HPSE2: variants seen among roughly 807,000 people sequenced by gnomAD.
HPSE2 encodes the protein heparanase 2 (inactive).
In HPSE2, 38 loss-of-function variants were observed where a neutral mutation model predicts 60.5. That is an observed-to-expected ratio of 0.63 (90% CI 0.48 to 0.82). The LOEUF (loss-of-function observed/expected upper bound fraction) is 0.82. HPSE2 is among the 40% of genes least tolerant of loss of function. HPSE2 has a pLI of 0.00. For synonymous variants in HPSE2, 295 were observed against 293.2 expected, an observed-to-expected ratio of 1.01 and a Z score of -0.06; for missense variants, 713 against 740.4, an observed-to-expected ratio of 0.96 and a Z score of 0.43.
At chr10:98,520,865 A>G (rs193239729) in intron 9 of HPSE2, among the ~76,000 whole-genome samples, 16 of 152,318 alleles carry the variant, frequency 1.1e-4, no homozygotes, top group African/African-American at 3.6e-4. Flanking sequence ...TCTTTGACAA[A>G]CCTGACAAAA....
rs868407526 is a variant in HPSE2 at position 98,466,623 on chromosome 10, A to G, written c.1614-6884T>C. 5.7e-4 allele frequency among the ~76,000 whole-genome samples: 87 copies of G among 151,946 alleles called. 1 individual carries two copies. Among genetic ancestry groups the G allele is most frequent in the African/African-American group, 2.9e-4 (12 of 41,466 alleles). ...GAGACTCCGTCTCAAAAAAAAAAAA[A>G]AAAAGAAAAGAAAATCAGTTCTGCC... On this transcript the variant is annotated intron_variant, in intron 11 of 11. Transcript: ENST00000370552.
intron 2 of HPSE2, among the ~76,000 whole-genome samples, chr10:99,216,437 C>T (rs1015591669): frequency 5.9e-5 from 9 of 151,834 alleles, no homozygotes; most frequent in Non-Finnish European, 1.0e-4. Flanking sequence ...TCAGGTGATC[C>T]GCCCGCCTCG....
At chr10:98,572,087 C>T (rs985687081) in intron 9 of HPSE2, among the ~76,000 whole-genome samples, 5 of 151,824 alleles carry the variant, frequency 3.3e-5, no homozygotes, top group African/African-American at 9.7e-5. Context: ...ATTACAGGTG[C>T]CCACCACCAC....
At chr10:98,990,294 A>C (rs1383743621) in intron 3 of HPSE2, among the ~76,000 whole-genome samples, 1 of 152,238 alleles carries the variant, frequency 6.6e-6, no homozygotes, top group Non-Finnish European at 1.5e-5. Context: ...CAGCACTAGC[A>C]CCACTGCCTC....
the HPSE2 span, among the ~76,000 whole-genome samples, chr10:99,279,703 C>T: frequency 6.6e-6 from 1 of 152,182 alleles, no homozygotes; most frequent in South Asian, 2.1e-4. Flanking sequence ...CTACCCAGGG[C>T]TCTTTTTACT....
At chr10:98,914,424 A>C (rs1954062780) in intron 3 of HPSE2, among the ~76,000 whole-genome samples, 1 of 151,902 alleles carries the variant, frequency 6.6e-6, no homozygotes, top group African/African-American at 2.4e-5. Context: ...GTAAAATAAA[A>C]AACACTATGA....
Position 98,542,530 on chromosome 10 carries a change from G to A in HPSE2, c.1321-52334C>T, listed in dbSNP as rs1350173446. Among the ~76,000 whole-genome samples the A allele has an allele frequency of 2.6e-5, 4 of 151,986 alleles. No homozygotes were observed. The East Asian group carries it at 5.8e-4, about 22-fold the overall frequency. On this transcript the variant is annotated intron_variant, in intron 9 of 11. Transcript: ENST00000370552. ...AGGCTTCAGACAATCAAATTACTCC[G>A]AGCTATGGGAGGACATTCAAACCAA...
chr10:99,269,368 T>A, the HPSE2 span, among the ~76,000 whole-genome samples: 4 of 152,150 alleles, frequency 2.6e-5, no homozygotes, highest in African/African-American at 9.7e-5. Flanking sequence ...AGGGACATTA[T>A]ATAATGATAA....
intron 3 of HPSE2, among the ~76,000 whole-genome samples, chr10:98,923,683 G>A (rs1236654028): frequency 6.6e-6 from 1 of 151,770 alleles, no homozygotes; most frequent in East Asian, 1.9e-4. Flanking sequence ...CTGCTATTAA[G>A]AGACTCTGAT....
At chr10:99,180,598 A>C (rs994181357) in intron 2 of HPSE2, among the ~76,000 whole-genome samples, 53 of 152,114 alleles carry the variant, frequency 3.5e-4, no homozygotes, top group African/African-American at 1.3e-3. Context: ...AAAAGTCAAG[A>C]AACTGGCTAG....
Position 99,204,585 on chromosome 10 carries a change from C to T in HPSE2, c.448+27763G>A, listed in dbSNP as rs1052835448. Among the ~76,000 whole-genome samples, 35 of 152,096 alleles carry T rather than the reference C, an allele frequency of 2.3e-4. 1 individual carries two copies. Among genetic ancestry groups the T allele is most frequent in the Admixed American group, 7.9e-4 (12 of 15,284 alleles). On this transcript the variant is annotated intron_variant, in intron 2 of 11. Coordinates refer to ENST00000370552, the MANE Select transcript of HPSE2 (RefSeq NM_021828.5). ...TCCAAAGAAATGGAGATGTATAAAC[C>T]GCCTGATAAATAATTTAAAGTAATT... is the stretch of plus-strand genomic sequence containing the variant.
At chr10:98,834,347 TCATTATCTTGAAAATA>T (rs1479320258) in intron 3 of HPSE2, among the ~76,000 whole-genome samples, 1 of 152,164 alleles carries the variant, frequency 6.6e-6, no homozygotes, top group East Asian at 1.9e-4. Flanking sequence ...GAGAACCAAT[TCATTATCTTGAAAATA>T]TGGTAAATAA....
At chr10:99,171,471 T>C (rs2133803141) in intron 2 of HPSE2, among the ~76,000 whole-genome samples, 1 of 152,292 alleles carries the variant, frequency 6.6e-6, no homozygotes, top group East Asian at 1.9e-4. Flanking sequence ...GAGATGGATG[T>C]AGCTCTGAAT....
At chr10:98,893,972 T>C (rs1485201656) in intron 3 of HPSE2, among the ~76,000 whole-genome samples, 2 of 151,966 alleles carry the variant, frequency 1.3e-5, no homozygotes, top group Non-Finnish European at 2.9e-5. Flanking sequence ...AAACTGCCTC[T>C]CTTGACTTTG....
intron 2 of HPSE2, among the ~76,000 whole-genome samples, chr10:99,146,662 G>A (rs1331321815): frequency 6.6e-6 from 1 of 152,172 alleles, no homozygotes; most frequent in African/African-American, 2.4e-5. Flanking sequence ...AGGAGTTCAA[G>A]ACCAGCCTGG....
intron 3 of HPSE2, among the ~76,000 whole-genome samples, chr10:99,025,007 C>T (rs936310836): frequency 4.6e-5 from 7 of 152,054 alleles, no homozygotes; most frequent in East Asian, 1.9e-4. Context: ...AGTAAGTACA[C>T]AGAAAAACAC....
chr10:98,940,215 C>A lies in HPSE2; in HGVS notation c.611-196159G>T, dbSNP rs781621801. Among the ~76,000 whole-genome samples, 21 of 142,956 alleles carry A rather than the reference C, an allele frequency of 1.5e-4. 2 individuals are homozygous for A. The highest frequency in any genetic ancestry group is 2.7e-4 in the Non-Finnish European group (18 of 67,064). 93.8% of individuals were successfully genotyped at this position (142,956 alleles called of 152,430 possible). On this transcript the variant is annotated intron_variant, in intron 3 of 11. Transcript: ENST00000370552. ...AACACATTCAAAAGCTAGTAGAAGG[C>A]AAGAAATAACTAAAACCAGAGCAGA...
At chr10:99,300,333 T>A in the HPSE2 span, among the ~76,000 whole-genome samples, 2 of 152,170 alleles carry the variant, frequency 1.3e-5, no homozygotes, top group Non-Finnish European at 2.9e-5. Context: ...CTGGACACCT[T>A]ACAATCTCCA....
chr10:98,515,591 G>T (rs1942575897), intron 9 of HPSE2, among the ~76,000 whole-genome samples: 1 of 152,132 alleles, frequency 6.6e-6, no homozygotes, highest in Admixed American at 6.5e-5. Context: ...ATGTCTCTGT[G>T]CAGTTAAACC....
Sources: allele counts gnomAD v4.1 joint callset (sites outside exome capture counted in the v4.1 genomes callset), GRCh38; gene constraint gnomAD v4.1.1; transcripts MANE v1.5; gene names NCBI Gene and HGNC (gene_info 2026-07-23, HGNC 2026-07-21).